The following SPESP1 variants were observed in gnomAD, a reference collection of about 807,000 sequenced individuals.
The protein encoded by SPESP1 is sperm equatorial segment protein 1.
A neutral mutation model predicts 3.1 loss-of-function variants in SPESP1; 1 was observed. That is an observed-to-expected ratio of 0.33 (90% CI 0.12 to 1.54). SPESP1 has a LOEUF of 1.54. Among genes scored for constraint, SPESP1 ranks in the 40% most tolerant of loss-of-function variants. SPESP1 has a pLI of 0.38. For missense variants in SPESP1, 398 were observed against 410.1 expected (o/e 0.97, Z 0.26); for synonymous variants, 138 against 150.7 (o/e 0.92, Z 0.62).
chr15:68,940,644 A>G (rs144221761), intron 1 of SPESP1, among the ~76,000 whole-genome samples: 2,544 of 152,018 alleles, frequency 0.017, 33 homozygotes, highest in Non-Finnish European at 0.024. Context: ...TTCACAGTCT[A>G]GGTTTTGCTG....
intron 1 of SPESP1, among the ~76,000 whole-genome samples, chr15:68,932,039 A>T (rs906439759): frequency 6.6e-6 from 1 of 152,260 alleles, no homozygotes; most frequent in Non-Finnish European, 1.5e-5. Flanking sequence ...CTAGGTAACT[A>T]AAGTTAGCTC....
At chr15:68,936,053 G>A (rs141075115) in intron 1 of SPESP1, among the ~76,000 whole-genome samples, 1 of 152,128 alleles carries the variant, frequency 6.6e-6, no homozygotes, top group African/African-American at 2.4e-5. Context: ...TTCTTTATGA[G>A]TCCACTTCAT....
intron 1 of SPESP1, among the ~76,000 whole-genome samples, chr15:68,934,468 T>C (rs1895633686): frequency 6.6e-6 from 1 of 152,226 alleles, no homozygotes; most frequent in African/African-American, 2.4e-5. Context: ...ATTTAAAAGG[T>C]CTCTCAAACC....
At chr15:68,934,593 A>G (rs1461954201) in intron 1 of SPESP1, among the ~76,000 whole-genome samples, 5 of 152,172 alleles carry the variant, frequency 3.3e-5, no homozygotes. Context: ...AAGTTTCATT[A>G]GCCTGTCCAT....
At position 68,946,436 on chromosome 15, in the gene SPESP1, A is replaced by G. The variant is rs763181186; in HGVS notation, c.902A>G (p.Asn301Ser). The G allele has an allele frequency of 7.4e-6, 12 of 1,613,034 alleles. No homozygotes were observed. The South Asian group carries it at 1.1e-4, about 15-fold the overall frequency. ...ATTGATGACATCGAAACTGTTATTA[A>G]CATGCTGTGTAATTCTAGATCTAAA... ...NKIDDIETVI[N>S]MLCNSRSKLY... Residue 301 changes from asparagine to serine, a missense_variant, in exon 2 of 2, where the codon AAC becomes AGC. Asn to Ser is a conservative substitution (Grantham distance 46). Transcript: ENST00000310673.
intron 1 of SPESP1, among the ~76,000 whole-genome samples, chr15:68,940,388 A>C (rs978959154): frequency 6.6e-6 from 1 of 152,164 alleles, no homozygotes; most frequent in African/African-American, 2.4e-5. Flanking sequence ...GGACTTTACA[A>C]AACACAAAAC....
At chr15:68,931,958 C>T (rs1366871531) in intron 1 of SPESP1, among the ~76,000 whole-genome samples, 2 of 152,120 alleles carry the variant, frequency 1.3e-5, no homozygotes, top group African/African-American at 2.4e-5. Context: ...AGTTAAAAAT[C>T]AAATTTAAAA....
intron 1 of SPESP1, among the ~76,000 whole-genome samples, chr15:68,939,491 C>G (rs1158505435): frequency 6.6e-6 from 1 of 152,188 alleles, no homozygotes; most frequent in East Asian, 1.9e-4. Flanking sequence ...CTACCTTGAC[C>G]TACAAACATT....
At chr15:68,938,779 T>C (rs1315019478) in intron 1 of SPESP1, among the ~76,000 whole-genome samples, 4 of 152,180 alleles carry the variant, frequency 2.6e-5, no homozygotes, top group Non-Finnish European at 5.9e-5. Flanking sequence ...CAGCCTGTGT[T>C]CAAATCTCAT....
At chr15:68,938,763 G>T (rs1895744868) in intron 1 of SPESP1, among the ~76,000 whole-genome samples, 1 of 152,174 alleles carries the variant, frequency 6.6e-6, no homozygotes, top group South Asian at 2.1e-4. Flanking sequence ...CTGCTTTGAA[G>T]TAAGGCAGCC....
intron 1 of SPESP1, among the ~76,000 whole-genome samples, chr15:68,931,561 T>C (rs1895541313): frequency 6.6e-6 from 1 of 152,156 alleles, no homozygotes; most frequent in Non-Finnish European, 1.5e-5. Flanking sequence ...TGGGTCGCGG[T>C]CTGGGACACT....
chr15:68,933,494 C>G (rs1309420021), intron 1 of SPESP1, among the ~76,000 whole-genome samples: 2 of 151,918 alleles, frequency 1.3e-5, no homozygotes, highest in Admixed American at 6.6e-5. Flanking sequence ...TTAATGTATT[C>G]CCTCTTTAAT....
At chr15:68,943,130 A>G (rs1437780611) in intron 1 of SPESP1, among the ~76,000 whole-genome samples, 1 of 151,716 alleles carries the variant, frequency 6.6e-6, no homozygotes, top group East Asian at 1.9e-4. Context: ...AAAACATTAT[A>G]GTTAAAGTCT....
At position 68,946,342 on chromosome 15, in the gene SPESP1, G is replaced by A. The variant is rs750483363; in HGVS notation, c.808G>A (p.Ala270Thr). The A allele has an allele frequency of 6.2e-7, 1 of 1,614,160 alleles. No homozygotes were observed. The highest frequency in any genetic ancestry group is 2.2e-5 in the East Asian group (1 of 44,890). The change falls in exon 2 of 2, where the codon GCA becomes ACA. Residue 270 changes from alanine (A) to threonine (T), a missense_variant. Coordinates refer to ENST00000310673, the MANE Select transcript of SPESP1 (RefSeq NM_145658.4). Reference sequence around the variant, plus strand: ...AAAACGAAGCCTTGCTCTAGCAGCAGCAGCAGAACATAAATTAAAAACAAT... The same window carrying A: ...AAAACGAAGCCTTGCTCTAGCAGCAACAGCAGAACATAAATTAAAAACAAT... ...HLKRSLALAA[A>T]AEHKLKTMYK...
Position 68,946,022 on chromosome 15 carries a change from C to G in SPESP1, c.488C>G (p.Pro163Arg). ...CAAACTGAGGCACCAAGAATGTTGCCAGTTGTTACTGAATCATCTACAAGT... is the reference window on the plus strand; with the variant it reads ...CAAACTGAGGCACCAAGAATGTTGCGAGTTGTTACTGAATCATCTACAAGT... ...AKQTEAPRMLPVVTESSTSPY... is the reference protein window; with the variant it reads ...AKQTEAPRMLRVVTESSTSPY... Residue 163 changes from proline to arginine, a missense_variant, in exon 2 of 2, where the codon CCA becomes CGA. Transcript: ENST00000310673. 6.2e-7 allele frequency: 1 copy of G among 1,614,132 alleles called. No individual in the cohort carries two copies. The highest frequency in any genetic ancestry group is 8.5e-7 in the Non-Finnish European group (1 of 1,180,020).
chr15:68,937,873 TTTATG>T (rs1298901884), intron 1 of SPESP1, among the ~76,000 whole-genome samples: 2 of 152,256 alleles, frequency 1.3e-5, no homozygotes. Flanking sequence ...CAAATTGGCT[TTTATG>T]TTATTCTCTT....
chr15:68,942,939 A>G (rs1245880675), intron 1 of SPESP1, among the ~76,000 whole-genome samples: 1 of 136,168 alleles, frequency 7.3e-6, no homozygotes, highest in African/African-American at 2.6e-5. Flanking sequence ...ATGAGTTTAC[A>G]TAAATAAGTT....
In SPESP1 at chr15:68,930,810, C is replaced by A. The variant is rs111456660; in HGVS notation, c.64+93C>A. ...CTCGAAGCCTGGCCCTTCCTTCTCCCTGGTCCTACATGCCTCCCTCCCCCA... is the reference window on the plus strand; with the variant it reads ...CTCGAAGCCTGGCCCTTCCTTCTCCATGGTCCTACATGCCTCCCTCCCCCA... On this transcript the variant is annotated intron_variant, in intron 1 of 1. Coordinates refer to ENST00000310673, the MANE Select transcript of SPESP1 (RefSeq NM_145658.4). The A allele has an allele frequency of 2.9e-4, 464 of 1,587,894 alleles. 4 individuals carry two copies. The African/African-American group carries it at 5.1e-3, about 17-fold the overall frequency.
chr15:68,940,252 A>G (rs1298186367), intron 1 of SPESP1, among the ~76,000 whole-genome samples: 1 of 152,064 alleles, frequency 6.6e-6, no homozygotes, highest in Non-Finnish European at 1.5e-5. Context: ...CTCTACCCAC[A>G]TTCCTTTTCC....
Sources: allele counts gnomAD v4.1 joint callset (sites outside exome capture counted in the v4.1 genomes callset), GRCh38; gene constraint gnomAD v4.1.1; transcripts MANE v1.5; gene names NCBI Gene and HGNC (gene_info 2026-07-23, HGNC 2026-07-21).